The following LUZP2 variants were observed in gnomAD, a reference collection of about 807,000 sequenced individuals.
LUZP2 encodes leucine zipper protein 2.
LUZP2 carries 52 observed loss-of-function variants against 51.6 expected under a neutral mutation model. The observed-to-expected ratio is 1.01, with a 90% CI of 0.81 to 1.27. The LOEUF (loss-of-function observed/expected upper bound fraction) is 1.27. Ranked by LOEUF, LUZP2 falls within the 50% of genes most tolerant of loss-of-function variation. The pLI, the probability that LUZP2 is intolerant of heterozygous loss-of-function variation, is 0.00. For synonymous variants in LUZP2, 154 were observed against 137.3 expected (o/e 1.12, Z -0.85); for missense variants, 436 against 395.4 (o/e 1.10, Z -0.87).
intron 5 of LUZP2, among the ~76,000 whole-genome samples, chr11:24,829,329 C>T (rs1364509212): frequency 6.6e-6 from 1 of 152,040 alleles, no homozygotes; most frequent in African/African-American, 2.4e-5. Flanking sequence ...ATGAAAAACT[C>T]CAGAGTAGGA....
intron 1 of LUZP2, among the ~76,000 whole-genome samples, chr11:24,722,000 T>A (rs1245280865): frequency 6.6e-6 from 1 of 152,142 alleles, no homozygotes; most frequent in Non-Finnish European, 1.5e-5. Flanking sequence ...ATTGAAAAAA[T>A]TTATTTATAA....
chr11:24,587,304 A>G (rs1223589242), intron 1 of LUZP2, among the ~76,000 whole-genome samples: 1 of 152,168 alleles, frequency 6.6e-6, no homozygotes, highest in Non-Finnish European at 1.5e-5. Context: ...GGATTGTACA[A>G]AGGAGAATAC....
At chr11:24,812,690 A>C (rs928810927) in intron 5 of LUZP2, among the ~76,000 whole-genome samples, 32 of 152,188 alleles carry the variant, frequency 2.1e-4, no homozygotes, top group African/African-American at 7.7e-4. Context: ...GAAGGGAGAC[A>C]TTATGTGGGT....
At chr11:24,874,850 G>A (rs369530359) in intron 5 of LUZP2, among the ~76,000 whole-genome samples, 1 of 151,978 alleles carries the variant, frequency 6.6e-6, no homozygotes, top group East Asian at 1.9e-4. Flanking sequence ...TCCTCAATTG[G>A]GATGAGAAAA....
At chr11:24,785,879 A>T in intron 5 of LUZP2, 2 of 985,344 alleles carry the variant, frequency 2.0e-6, no homozygotes, top group Non-Finnish European at 2.4e-6. Context: ...TCTCCCTAAA[A>T]ATACTTTGTT....
intron 1 of LUZP2, among the ~76,000 whole-genome samples, chr11:24,521,682 C>T (rs1222143056): frequency 6.6e-6 from 1 of 152,048 alleles, no homozygotes; most frequent in Non-Finnish European, 1.5e-5. Context: ...ATTAGAAGTT[C>T]AATAACTAGA....
intron 9 of LUZP2, among the ~76,000 whole-genome samples, chr11:25,031,030 T>TTG (rs1857670013): frequency 1.0e-5 from 1 of 98,316 alleles, no homozygotes; most frequent in Non-Finnish European, 1.9e-5. Context: ...TTTTTTTTTT[T>TTG]GAGACAGAGT....
chr11:25,058,345 T>C (rs1487144916), intron 10 of LUZP2, among the ~76,000 whole-genome samples: 1 of 152,172 alleles, frequency 6.6e-6, no homozygotes, highest in Non-Finnish European at 1.5e-5. Flanking sequence ...TATGGAAAGC[T>C]TAAGAAAAAT....
At chr11:24,782,229 G>T (rs2134076367) in intron 5 of LUZP2, among the ~76,000 whole-genome samples, 1 of 152,150 alleles carries the variant, frequency 6.6e-6, no homozygotes, top group African/African-American at 2.4e-5. Flanking sequence ...TTAAAGTGCT[G>T]GTGAAGGAAG....
At chr11:24,845,488 G>A (rs774472904) in intron 5 of LUZP2, among the ~76,000 whole-genome samples, 2 of 152,138 alleles carry the variant, frequency 1.3e-5, no homozygotes, top group Admixed American at 6.6e-5. Context: ...GGGACTGTTG[G>A]GAACACAGGA....
At chr11:24,727,757 C>T (rs182561047) in intron 1 of LUZP2, among the ~76,000 whole-genome samples, 2 of 151,800 alleles carry the variant, frequency 1.3e-5, no homozygotes, top group African/African-American at 2.4e-5. Flanking sequence ...ACAAGGCCAG[C>T]GAGAATATTG....
At chr11:24,600,639 T>G (rs1853600907) in intron 1 of LUZP2, among the ~76,000 whole-genome samples, 1 of 152,140 alleles carries the variant, frequency 6.6e-6, no homozygotes, top group Non-Finnish European at 1.5e-5. Flanking sequence ...CTTAGCTCAC[T>G]TCTGTTCATA....
rs374916757 is a variant in LUZP2 at position 24,969,667 on chromosome 11, TA to T, written c.523-6922del. Among the ~76,000 whole-genome samples, 132 of 152,296 alleles carry T rather than the reference TA, an allele frequency of 8.7e-4. 1 individual carries two copies. In the East Asian group the frequency reaches 0.017, roughly 20 times the overall value. On this transcript the variant is annotated intron_variant, in intron 7 of 11. Transcript: ENST00000336930. ...CTTCTAGTTTCTGCATAAAGTCATTTAAGTGCCTAAATCAATTTTCAATTAT... is the reference window on the plus strand; with the variant it reads ...CTTCTAGTTTCTGCATAAAGTCATTTAGTGCCTAAATCAATTTTCAATTAT...
rs72370066 is a variant in LUZP2, at chr11:25,007,605, G to GAAAAC, written c.765+24340_765+24344dup. On this transcript the variant is annotated intron_variant, in intron 9 of 11. Coordinates refer to ENST00000336930, the MANE Select transcript of LUZP2 (RefSeq NM_001009909.4). ...GTAACAAAGCAAGACTCCATCTCAAGAAAACAAAACAAAACAAAACAAAAC... is the reference window on the plus strand; with the variant it reads ...GTAACAAAGCAAGACTCCATCTCAAGAAAACAAAACAAAACAAAACAAAACAAAAC... Among the ~76,000 whole-genome samples, 173 of 150,884 alleles carry GAAAAC rather than the reference G, an allele frequency of 1.1e-3. 1 individual carries two copies. Among genetic ancestry groups the GAAAAC allele is most frequent in the African/African-American group, 1.9e-3 (77 of 41,384 alleles).
At chr11:24,565,251 A>G (rs1207446269) in intron 1 of LUZP2, among the ~76,000 whole-genome samples, 4 of 152,070 alleles carry the variant, frequency 2.6e-5, no homozygotes, top group Non-Finnish European at 4.4e-5. Flanking sequence ...TGGCCCCCAG[A>G]AAAGCAGATG....
At chr11:24,558,053 G>A (rs74829318) in intron 1 of LUZP2, among the ~76,000 whole-genome samples, 1 of 152,072 alleles carries the variant, frequency 6.6e-6, no homozygotes, top group Non-Finnish European at 1.5e-5. Context: ...AAACAGCTGG[G>A]AGTCAAGAGA....
At chr11:25,051,156 C>G (rs1858496375) in intron 10 of LUZP2, among the ~76,000 whole-genome samples, 1 of 151,894 alleles carries the variant, frequency 6.6e-6, no homozygotes, top group South Asian at 2.1e-4. Context: ...TCTCTTTTTT[C>G]TCTTCTGGCT....
At chr11:24,595,590 C>A (rs1853415464) in intron 1 of LUZP2, among the ~76,000 whole-genome samples, 1 of 152,172 alleles carries the variant, frequency 6.6e-6, no homozygotes, top group Non-Finnish European at 1.5e-5. Flanking sequence ...AGATATTTAA[C>A]TTCAATGTTC....
intron 4 of LUZP2, among the ~76,000 whole-genome samples, chr11:24,761,376 A>C (rs1352794264): frequency 1.3e-5 from 2 of 152,160 alleles, no homozygotes; most frequent in African/African-American, 4.8e-5. Flanking sequence ...AAACCATTAG[A>C]AACCACCCCT....
Sources: gnomAD v4.1 joint callset for allele counts (sites outside exome capture counted in the v4.1 genomes callset) on GRCh38, gnomAD v4.1.1 for gene constraint, MANE v1.5 for transcripts, NCBI Gene and HGNC (gene_info 2026-07-23, HGNC 2026-07-21) for gene names.